PTPRM: variants seen among roughly 807,000 people sequenced by gnomAD.
PTPRM encodes the protein receptor-type tyrosine-protein phosphatase mu.
In PTPRM, 47 loss-of-function variants were observed where a neutral mutation model predicts 186.7. That is an observed-to-expected ratio of 0.25 (90% CI 0.20 to 0.32). The LOEUF (loss-of-function observed/expected upper bound fraction) is 0.32. Ranked by LOEUF, PTPRM falls within the 10% of genes least tolerant of loss-of-function variation. The pLI, the probability that PTPRM is intolerant of heterozygous loss-of-function variation, is 1.00. For synonymous variants in PTPRM, 668 were observed against 674.9 expected, an observed-to-expected ratio of 0.99 and a Z score of 0.16; for missense variants, 1,494 against 1,865.0, an observed-to-expected ratio of 0.80 and a Z score of 3.66.
At chr18:8,310,267 C>T (rs971627430) in intron 20 of PTPRM, among the ~76,000 whole-genome samples, 15 of 151,860 alleles carry the variant, frequency 9.9e-5, no homozygotes, top group Non-Finnish European at 2.1e-4. Flanking sequence ...AGTAGCCTCC[C>T]CATTGTCTCC....
chr18:8,135,739 T>C (rs1490343440), intron 13 of PTPRM, among the ~76,000 whole-genome samples: 1 of 152,238 alleles, frequency 6.6e-6, no homozygotes, highest in Non-Finnish European at 1.5e-5. Flanking sequence ...TGAGTCCTCA[T>C]CACAATTCTA....
At chr18:8,200,588 G>A (rs1481253682) in intron 14 of PTPRM, among the ~76,000 whole-genome samples, 1 of 152,240 alleles carries the variant, frequency 6.6e-6, no homozygotes, top group Non-Finnish European at 1.5e-5. Context: ...TCTGGCCTGT[G>A]CCGTGACCCA....
intron 23 of PTPRM, among the ~76,000 whole-genome samples, chr18:8,356,703 G>C (rs1276207892): frequency 6.6e-6 from 1 of 152,168 alleles, no homozygotes; most frequent in African/African-American, 2.4e-5. Flanking sequence ...GCAGATATAA[G>C]TGAGACTCCA....
chr18:8,133,072 C>T (rs942328244), intron 13 of PTPRM, among the ~76,000 whole-genome samples: 5 of 152,144 alleles, frequency 3.3e-5, no homozygotes, highest in Admixed American at 3.3e-4. Flanking sequence ...GCAAGAGAGA[C>T]AGAGAGGAGA....
At chr18:7,909,667 A>T (rs1239794849) in intron 4 of PTPRM, among the ~76,000 whole-genome samples, 1 of 137,292 alleles carries the variant, frequency 7.3e-6, no homozygotes, top group East Asian at 2.4e-4. Flanking sequence ...ATCTAAAACT[A>T]TGCTTTCCAA....
At chr18:8,049,744 C>T (rs538224750) in intron 7 of PTPRM, among the ~76,000 whole-genome samples, 173 of 149,444 alleles carry the variant, frequency 1.2e-3, no homozygotes, top group African/African-American at 4.0e-3. Context: ...TGAAATCTTG[C>T]ACTGTCGCCT....
rs182001014 is a variant in PTPRM, at chr18:7,587,316, A to T, written c.73+19425A>T. ...AATTCTATTTCCATTTTTCATTTTT[A>T]TAAATAGGTACTGAGAATCTTTGTT... On this transcript the variant is annotated intron_variant, in intron 1 of 32. Coordinates refer to ENST00000580170, the MANE Select transcript of PTPRM (RefSeq NM_001105244.2). Among the ~76,000 whole-genome samples the T allele has an allele frequency of 9.7e-3, 1,478 of 152,232 alleles. 36 individuals are homozygous for T. Among genetic ancestry groups the T allele is most frequent in the Admixed American group, 0.03 (463 of 15,272 alleles).
At chr18:7,601,345 G>A (rs930896684) in intron 1 of PTPRM, among the ~76,000 whole-genome samples, 3 of 152,106 alleles carry the variant, frequency 2.0e-5, no homozygotes, top group African/African-American at 7.2e-5. Flanking sequence ...ACTCTCCCCC[G>A]GTGCATTAGT....
intron 1 of PTPRM, among the ~76,000 whole-genome samples, chr18:7,589,478 C>CTGGG (rs889337874): frequency 6.6e-6 from 1 of 152,152 alleles, no homozygotes; most frequent in Admixed American, 6.5e-5. Flanking sequence ...AATGCTGGAG[C>CTGGG]TGGGCCCTAT....
At chr18:8,372,845 C>A (rs1166887440) in intron 24 of PTPRM, among the ~76,000 whole-genome samples, 2 of 152,050 alleles carry the variant, frequency 1.3e-5, no homozygotes, top group East Asian at 1.9e-4. Context: ...ATCCAAAAGC[C>A]ATCATTTAAA....
chr18:7,605,654 T>G (rs2037513942), intron 1 of PTPRM, among the ~76,000 whole-genome samples: 1 of 152,116 alleles, frequency 6.6e-6, no homozygotes. Flanking sequence ...GTGGGATGAG[T>G]TAATGTTAAC....
chr18:7,796,354 A>G (rs558910143), intron 2 of PTPRM, among the ~76,000 whole-genome samples: 20 of 152,304 alleles, frequency 1.3e-4, no homozygotes, highest in Non-Finnish European at 2.5e-4. Context: ...AAACACACAC[A>G]TGCGTAACCT....
At position 8,379,972 on chromosome 18, in the gene PTPRM, G is replaced by A. The variant is rs116038365; in HGVS notation, c.3787-324G>A. ...GAAAAAGCAGAACTTTTAATTATGT[G>A]TAATTTTAAAAGTAAAGTTAAATTT... is the stretch of plus-strand genomic sequence containing the variant. On this transcript the variant is annotated intron_variant, in intron 28 of 32. Coordinates refer to ENST00000580170, the MANE Select transcript of PTPRM (RefSeq NM_001105244.2). Among the ~76,000 whole-genome samples the A allele has an allele frequency of 4.0e-3, 603 of 152,278 alleles. 8 individuals carry two copies. Among genetic ancestry groups the A allele is most frequent in the African/African-American group, 0.013 (555 of 41,548 alleles).
At chr18:8,045,072 C>T (rs545655842) in intron 7 of PTPRM, among the ~76,000 whole-genome samples, 1 of 152,276 alleles carries the variant, frequency 6.6e-6, no homozygotes, top group South Asian at 2.1e-4. Context: ...GTAAGCAGGG[C>T]ATGGTGGCTC....
chr18:8,183,383 G>A (rs547108075), intron 14 of PTPRM, among the ~76,000 whole-genome samples: 1 of 152,244 alleles, frequency 6.6e-6, no homozygotes, highest in African/African-American at 2.4e-5. Context: ...AATCAATCGG[G>A]AGAGACAAAA....
intron 7 of PTPRM, among the ~76,000 whole-genome samples, chr18:8,001,582 T>C (rs1443720977): frequency 3.3e-5 from 5 of 152,176 alleles, no homozygotes; most frequent in African/African-American, 1.2e-4. Flanking sequence ...CACTGGCTTT[T>C]GTGACTTTAT....
At chr18:7,570,429 G>A (rs867497597) in intron 1 of PTPRM, among the ~76,000 whole-genome samples, 1 of 152,140 alleles carries the variant, frequency 6.6e-6, no homozygotes, top group Non-Finnish European at 1.5e-5. Flanking sequence ...GCCAATTTTC[G>A]TTTTCTTCTG....
chr18:7,835,993 C>A (rs1324920094), intron 2 of PTPRM, among the ~76,000 whole-genome samples: 1 of 151,916 alleles, frequency 6.6e-6, no homozygotes, highest in African/African-American at 2.4e-5. Flanking sequence ...TGTCTTTATG[C>A]CTGAAGTATG....
At chr18:8,343,994 A>G (rs1296284007) in intron 23 of PTPRM, among the ~76,000 whole-genome samples, 10 of 152,156 alleles carry the variant, frequency 6.6e-5, no homozygotes, top group African/African-American at 2.2e-4. Flanking sequence ...GGAAAGCATC[A>G]TCTTTCTGAA....
Sources: gnomAD v4.1 joint callset for allele counts (sites outside exome capture counted in the v4.1 genomes callset) on GRCh38, gnomAD v4.1.1 for gene constraint, MANE v1.5 for transcripts, NCBI Gene and HGNC (gene_info 2026-07-23, HGNC 2026-07-21) for gene names.